The following RBFOX1 variants were observed in gnomAD, a reference collection of about 807,000 sequenced individuals.
The protein encoded by RBFOX1 is RNA binding fox-1 homolog 1, also known as RNA binding protein fox-1 homolog 1.
A neutral mutation model predicts 57.7 loss-of-function variants in RBFOX1; 8 were observed. The ratio of observed to expected loss-of-function variants is 0.14; its 90% confidence interval spans 0.08 to 0.25. The LOEUF (loss-of-function observed/expected upper bound fraction) is 0.25. RBFOX1 is among the 10% of genes least tolerant of loss of function. RBFOX1 has a pLI of 1.00. For missense variants in RBFOX1, 611 were observed against 548.5 expected (o/e 1.11, Z -1.14); for synonymous variants, 326 against 222.4 (o/e 1.47, Z -4.15).
chr16:6,688,392 C>G (rs1220833771), intron 3 of RBFOX1, among the ~76,000 whole-genome samples: 1 of 152,140 alleles, frequency 6.6e-6, no homozygotes, highest in Non-Finnish European at 1.5e-5. Context: ...GTGAGGATTA[C>G]AATTGGGCAT....
intron 3 of RBFOX1, among the ~76,000 whole-genome samples, chr16:6,904,256 C>T (rs1417553504): frequency 2.0e-5 from 3 of 152,138 alleles, no homozygotes; most frequent in South Asian, 2.1e-4. Context: ...GCAGGGACTT[C>T]TGTTGTTGAA....
intron 4 of RBFOX1, among the ~76,000 whole-genome samples, chr16:7,070,061 C>T (rs774057362): frequency 6.6e-6 from 1 of 152,172 alleles, no homozygotes; most frequent in Non-Finnish European, 1.5e-5. Flanking sequence ...TCCTCTCTTG[C>T]ACAGTACATC....
intron 1 of RBFOX1, among the ~76,000 whole-genome samples, chr16:6,272,633 A>G (rs2075329657): frequency 6.6e-6 from 1 of 152,224 alleles, no homozygotes; most frequent in African/African-American, 2.4e-5. Flanking sequence ...AAGCTTAACA[A>G]TTTTGTAAAT....
chr16:5,931,569 CTT>C (rs1468817958), intron 4 of RBFOX1, among the ~76,000 whole-genome samples: 1 of 152,136 alleles, frequency 6.6e-6, no homozygotes, highest in African/African-American at 2.4e-5. Flanking sequence ...ATAGGTAAGT[CTT>C]TGAGCAGCTG....
intron 4 of RBFOX1, among the ~76,000 whole-genome samples, chr16:7,405,570 C>G (rs1031680306): frequency 6.6e-6 from 1 of 152,170 alleles, no homozygotes; most frequent in Non-Finnish European, 1.5e-5. Context: ...GCGCCTCATG[C>G]CTCACATTTC....
chr16:6,795,803 T>A (rs999440763), intron 3 of RBFOX1, among the ~76,000 whole-genome samples: 1 of 151,932 alleles, frequency 6.6e-6, no homozygotes, highest in Non-Finnish European at 1.5e-5. Context: ...ATAGTCATCG[T>A]TGCTTTCTTT....
chr16:6,327,993 AG>A (rs2082573450), intron 2 of RBFOX1, among the ~76,000 whole-genome samples: 1 of 152,212 alleles, frequency 6.6e-6, no homozygotes, highest in Non-Finnish European at 1.5e-5. Flanking sequence ...AAACGTATAA[AG>A]GTTGTGCATT....
rs1458640629 is a variant in RBFOX1, at chr16:7,710,789, C to T, written c.*44C>T. ...CCTTCCAATGTGGGGAGAAAGGAAG[C>T]TTTCCGAGGCCTGAGTATTGCAATA... On this transcript the variant is annotated 3_prime_UTR_variant, in exon 16 of 16. Transcript: ENST00000550418. 6.8e-7 allele frequency: 1 copy of T among 1,467,746 alleles called. No homozygotes were observed. The highest frequency in any genetic ancestry group is 1.5e-5 in the African/African-American group (1 of 68,460). The allele number at this position is 1,467,746 out of a possible 1,614,324, so 90.9% of individuals were successfully genotyped here.
intron 4 of RBFOX1, among the ~76,000 whole-genome samples, chr16:5,870,200 G>C (rs1333016569): frequency 6.7e-6 from 1 of 150,220 alleles, no homozygotes; most frequent in East Asian, 1.9e-4. Flanking sequence ...GATGATAAAA[G>C]TAGCAATAGT....
intron 4 of RBFOX1, among the ~76,000 whole-genome samples, chr16:5,922,228 A>G (rs1001851724): frequency 7.2e-5 from 11 of 152,190 alleles, no homozygotes; most frequent in Admixed American, 2.6e-4. Context: ...ACTCATCACC[A>G]AGGGGATGGT....
At chr16:7,181,687 C>T (rs1009290835) in intron 4 of RBFOX1, among the ~76,000 whole-genome samples, 5 of 152,040 alleles carry the variant, frequency 3.3e-5, no homozygotes, top group African/African-American at 1.2e-4. Flanking sequence ...CTCAGCCTCC[C>T]GAGTAGCTGG....
intron 3 of RBFOX1, among the ~76,000 whole-genome samples, chr16:6,905,181 A>AT (rs531313680): frequency 4.6e-5 from 7 of 151,388 alleles, no homozygotes; most frequent in East Asian, 3.9e-4. Flanking sequence ...TTCTTTATCC[A>AT]TTTTTTTTCT....
intron 4 of RBFOX1, among the ~76,000 whole-genome samples, chr16:7,325,976 C>G (rs1277366916): frequency 2.0e-5 from 3 of 152,146 alleles, no homozygotes; most frequent in African/African-American, 7.2e-5. Context: ...AGCTGATACC[C>G]TAGTGTCATC....
intron 4 of RBFOX1, among the ~76,000 whole-genome samples, chr16:7,193,787 C>G (rs1427538460): frequency 6.6e-6 from 1 of 152,178 alleles, no homozygotes; most frequent in African/African-American, 2.4e-5. Context: ...GACTCTAGCA[C>G]AACAGGTCCT....
chr16:5,978,203 A>G (rs150599270), intron 4 of RBFOX1, among the ~76,000 whole-genome samples: 503 of 147,050 alleles, frequency 3.4e-3, no homozygotes, highest in African/African-American at 0.012. Flanking sequence ...ATTCCCAAAT[A>G]CTCAGGAGGC....
chr16:6,375,337 C>G (rs1015184619), intron 2 of RBFOX1, among the ~76,000 whole-genome samples: 1 of 151,552 alleles, frequency 6.6e-6, no homozygotes, highest in Admixed American at 6.6e-5. Flanking sequence ...TGTCATTTCT[C>G]TTTTAACAAA....
At chr16:6,579,693 A>T (rs138169783) in intron 2 of RBFOX1, among the ~76,000 whole-genome samples, 2 of 152,098 alleles carry the variant, frequency 1.3e-5, no homozygotes, top group African/African-American at 4.8e-5. Flanking sequence ...CTTTATAAAC[A>T]CTAAGTCTCA....
chr16:5,640,801 T>C (rs191989456), intron 3 of RBFOX1, among the ~76,000 whole-genome samples: 67 of 141,362 alleles, frequency 4.7e-4, no homozygotes, highest in African/African-American at 1.5e-3. Context: ...TACACACACA[T>C]ATACACATGC....
At chr16:7,189,642 C>G (rs60840021) in intron 4 of RBFOX1, among the ~76,000 whole-genome samples, 25,024 of 151,694 alleles carry the variant, frequency 0.16, 2,208 homozygotes, top group East Asian at 0.38. Flanking sequence ...TTATCTGTAT[C>G]TCATTTTCCC....
Sources: gnomAD v4.1 joint callset for allele counts (sites outside exome capture counted in the v4.1 genomes callset) on GRCh38, gnomAD v4.1.1 for gene constraint, MANE v1.5 for transcripts, NCBI Gene and HGNC (gene_info 2026-07-23, HGNC 2026-07-21) for gene names.